Variants in CADPS observed in about 807,000 individuals in gnomAD.
CADPS encodes calcium-dependent secretion activator 1.
A neutral mutation model predicts 167.3 loss-of-function variants in CADPS; 57 were observed. That is an observed-to-expected ratio of 0.34 (90% CI 0.28 to 0.42). The LOEUF (loss-of-function observed/expected upper bound fraction) is 0.42, where lower values mean the gene tolerates loss of function less well. Ranked by LOEUF, CADPS falls within the 20% of genes least tolerant of loss-of-function variation. CADPS has a pLI of 1.00. For synonymous variants in CADPS, 676 were observed against 635.3 expected (o/e 1.06, Z -0.96); for missense variants, 1,414 against 1,738.1 (o/e 0.81, Z 3.32).
intron 2 of CADPS, among the ~76,000 whole-genome samples, chr3:62,765,005 A>C (rs548736308): frequency 6.6e-6 from 1 of 152,334 alleles, no homozygotes; most frequent in African/African-American, 2.4e-5. Flanking sequence ...ACAATGCATA[A>C]GACATTTGGG....
chr3:62,787,286 T>G (rs952990863), intron 1 of CADPS, among the ~76,000 whole-genome samples: 1 of 152,020 alleles, frequency 6.6e-6, no homozygotes, highest in African/African-American at 2.4e-5. Flanking sequence ...CAGAGCAAGA[T>G]CCTGTCTCAC....
rs1054691183 is a variant in CADPS at position 62,650,602 on chromosome 3, T to C, written c.1203+245A>G. On this transcript the variant is annotated intron_variant, in intron 5 of 29. Coordinates refer to ENST00000383710, the MANE Select transcript of CADPS (RefSeq NM_003716.4). ...CTTTATAAAATCCTTGAGCACTGTT[T>C]TAAGACAGAAAGTAATGCAAGATTA... Among the ~76,000 whole-genome samples, 4 of 152,322 alleles carry C rather than the reference T, an allele frequency of 2.6e-5. No homozygotes were observed. In the East Asian group the frequency reaches 5.8e-4, roughly 22 times the overall value.
rs140932747 is a variant in CADPS, at chr3:62,800,154, T to C, written c.442-34170A>G. ...GAAATGGGTGCCAACAGAAAGCACATGCCCTCTGCTGTGCTGTGAGTAGGA... is the reference window on the plus strand; with the variant it reads ...GAAATGGGTGCCAACAGAAAGCACACGCCCTCTGCTGTGCTGTGAGTAGGA... On this transcript the variant is annotated intron_variant, in intron 1 of 29. Coordinates refer to ENST00000383710, the MANE Select transcript of CADPS (RefSeq NM_003716.4). Among the ~76,000 whole-genome samples, 74 of 152,280 alleles carry C rather than the reference T, an allele frequency of 4.9e-4. No individual in the cohort carries two copies. The East Asian group carries it at 0.013, about 28-fold the overall frequency.
At chr3:62,405,626 C>T (rs1222920891) in intron 28 of CADPS, among the ~76,000 whole-genome samples, 5 of 152,138 alleles carry the variant, frequency 3.3e-5, no homozygotes, top group African/African-American at 1.2e-4. Context: ...AAATTGCATA[C>T]AGCAATGAAT....
At position 62,753,834 on chromosome 3, in the gene CADPS, C is replaced by G; in HGVS notation, c.556-61G>C. 6.7e-7 allele frequency: 1 copy of G among 1,494,058 alleles called. No individual in the cohort carries two copies. Among genetic ancestry groups the G allele is most frequent in the Non-Finnish European group, 9.1e-7 (1 of 1,102,680 alleles). The allele number at this position is 1,494,058 out of a possible 1,614,324, so 92.6% of individuals were successfully genotyped here. ...AGTTTACCACAGAGGTACCAGTTCC[C>G]TGGGGCTGGACACTGGGCCAGTCCA... On this transcript the variant is annotated intron_variant, in intron 2 of 29. Transcript: ENST00000383710. This position sits in a 1 kb window ranked among gnomAD's most constrained non-coding sequence, Gnocchi z 4.6.
chr3:62,457,862 A>G (rs7650857), intron 26 of CADPS, among the ~76,000 whole-genome samples: 2 of 152,158 alleles, frequency 1.3e-5, no homozygotes, highest in African/African-American at 2.4e-5. Flanking sequence ...GCGTTTTCTC[A>G]TAAGTGGGAG....
intron 3 of CADPS, among the ~76,000 whole-genome samples, chr3:62,673,009 C>G (rs1240798855): frequency 2.0e-5 from 3 of 152,210 alleles, no homozygotes. Flanking sequence ...CAGCCAAGGT[C>G]ACCTCTTCTA....
chr3:62,493,811 T>C, intron 18 of CADPS, 146 bp from the exon 19 acceptor site: 2 of 656,186 alleles, frequency 3.0e-6, no homozygotes, highest in South Asian at 4.2e-5. Context: ...GATGCTGGCC[T>C]GTCAGCAAAA....
chr3:62,599,868 A>C (rs2059676481), intron 6 of CADPS, among the ~76,000 whole-genome samples: 1 of 58,738 alleles, frequency 1.7e-5, no homozygotes, highest in Non-Finnish European at 3.0e-5. Context: ...TATAATATAT[A>C]ATAATATATA....
At chr3:62,510,216 A>ATCTATCTG (rs2067516370) in intron 17 of CADPS, among the ~76,000 whole-genome samples, 1 of 151,404 alleles carries the variant, frequency 6.6e-6, no homozygotes, top group Non-Finnish European at 1.5e-5. Flanking sequence ...CTATCTATCT[A>ATCTATCTG]TCTATCTATC....
rs2073451392 is a variant in CADPS, at chr3:62,662,348, T to C, written c.935A>G (p.Asp312Gly). 3 of 1,613,860 alleles carry C rather than the reference T, an allele frequency of 1.9e-6. No homozygotes were observed. Among genetic ancestry groups the C allele is most frequent in the Non-Finnish European group, 2.5e-6 (3 of 1,179,902 alleles). ...EQAAQIRREL[D>G]GRLQMADQIA... ...TTGGTCTGCCATTTGTAGACGTCCA[T>C]CCAGCTCTCGTCTGATCTGGGCTGC... is the stretch of plus-strand genomic sequence containing the variant. Residue 312 changes from aspartate to glycine, a missense_variant, in exon 4 of 30, where the codon GAT (aspartate) becomes GGT (glycine). By Grantham distance (94) the Asp-to-Gly change is moderately conservative. This residue lies in a region of CADPS where 522 missense variants were observed against 559.5 expected (regional missense o/e 0.93). Coordinates refer to ENST00000383710, the MANE Select transcript of CADPS (RefSeq NM_003716.4).
rs554349819 is a variant in CADPS, at chr3:62,820,936, G to C, written c.441+53653C>G. Reference sequence around the variant, plus strand: ...CTGCCTCAGCCTCCTGAGTAGCTGGGACTACAGGCACGTGCCACCATGCCC... The same window carrying C: ...CTGCCTCAGCCTCCTGAGTAGCTGGCACTACAGGCACGTGCCACCATGCCC... On this transcript the variant is annotated intron_variant, in intron 1 of 29. Coordinates refer to ENST00000383710, the MANE Select transcript of CADPS (RefSeq NM_003716.4). 8.4e-4 allele frequency among the ~76,000 whole-genome samples: 128 copies of C among 152,070 alleles called. 2 individuals are homozygous for C. Among genetic ancestry groups the C allele is most frequent in the African/African-American group, 3.0e-3 (124 of 41,478 alleles).
intron 27 of CADPS, among the ~76,000 whole-genome samples, chr3:62,441,701 G>A (rs549825372): frequency 3.9e-5 from 6 of 152,326 alleles, no homozygotes; most frequent in Non-Finnish European, 8.8e-5. Flanking sequence ...ATAGAAATGA[G>A]TTGAGAAATG....
At chr3:62,856,394 T>C (rs1429987423) in intron 1 of CADPS, among the ~76,000 whole-genome samples, 1 of 152,180 alleles carries the variant, frequency 6.6e-6, no homozygotes, top group Non-Finnish European at 1.5e-5. Flanking sequence ...GGGGTTTCAA[T>C]GTCATAAAGA....
At chr3:62,435,698 G>A (rs533166680) in intron 28 of CADPS, among the ~76,000 whole-genome samples, 1 of 151,948 alleles carries the variant, frequency 6.6e-6, no homozygotes, top group Non-Finnish European at 1.5e-5. Flanking sequence ...CGGGAGTGAT[G>A]TGCAGTGAGT....
At chr3:62,625,641 T>G (rs182556311) in intron 6 of CADPS, 2 of 150,784 alleles carry the variant, frequency 1.3e-5, no homozygotes, top group Admixed American at 1.3e-4. Context: ...CTTTTATACC[T>G]CCTTTTTAGA....
intron 1 of CADPS, among the ~76,000 whole-genome samples, chr3:62,822,217 A>G (rs2094954036): frequency 6.6e-6 from 1 of 152,188 alleles, no homozygotes; most frequent in Admixed American, 6.5e-5. Flanking sequence ...CTACTCACAC[A>G]CAAAGCAGAG....
At chr3:62,766,326 AG>A (rs1246449160) in intron 1 of CADPS, among the ~76,000 whole-genome samples, 2 of 152,122 alleles carry the variant, frequency 1.3e-5, no homozygotes, top group African/African-American at 4.8e-5. Context: ...TATATAAGGG[AG>A]TGCTACCACC....
intron 24 of CADPS, among the ~76,000 whole-genome samples, chr3:62,469,097 C>T (rs1353034679): frequency 6.6e-6 from 1 of 152,050 alleles, no homozygotes; most frequent in East Asian, 1.9e-4. Flanking sequence ...TAAATTATGC[C>T]TCAATTTAAA....
Sources: gnomAD v4.1 joint callset for allele counts (sites outside exome capture counted in the v4.1 genomes callset) on GRCh38, gnomAD v4.1.1 for gene constraint, gnomAD v4.1.1 regional missense constraint, Gnocchi (gnomAD v3.1) non-coding constraint, MANE v1.5 for transcripts, NCBI Gene and HGNC (gene_info 2026-07-23, HGNC 2026-07-21) for gene names.